Variants in BDP1 observed in about 807,000 individuals in gnomAD.
BDP1 encodes BDP1 general transcription factor IIIB subunit.
Under a neutral mutation model 266.6 loss-of-function variants are expected in BDP1, and 169 were observed. The ratio of observed to expected loss-of-function variants is 0.63; its 90% confidence interval spans 0.56 to 0.72. BDP1 has a LOEUF of 0.72. BDP1 is among the 30% of genes least tolerant of loss of function. The pLI, the probability that BDP1 is intolerant of heterozygous loss-of-function variation, is 0.00. For synonymous variants in BDP1, 1,090 were observed against 1,022.4 expected, an observed-to-expected ratio of 1.07 and a Z score of -1.26; for missense variants, 3,015 against 3,053.8, an observed-to-expected ratio of 0.99 and a Z score of 0.30.
chr5:71,466,683 T>C (rs973413195), intron 5 of BDP1, among the ~76,000 whole-genome samples: 1 of 152,184 alleles, frequency 6.6e-6, no homozygotes, highest in Non-Finnish European at 1.5e-5. Flanking sequence ...CATCTTTTGG[T>C]TTAATTTCTC....
chr5:71,549,999 G>C (rs1396727219), intron 34 of BDP1, among the ~76,000 whole-genome samples: 3 of 152,182 alleles, frequency 2.0e-5, no homozygotes, highest in Non-Finnish European at 2.9e-5. Context: ...TTTCTTAAGA[G>C]ACAGGGACTT....
chr5:71,558,479 G>A (rs180724355), intron 36 of BDP1, among the ~76,000 whole-genome samples: 3 of 152,158 alleles, frequency 2.0e-5, no homozygotes, highest in East Asian at 3.9e-4. Flanking sequence ...CTGAGATCAC[G>A]CCATTGCACG....
At chr5:71,569,273 C>T (rs1340075375), downstream of BDP1, among the ~76,000 whole-genome samples, 4 of 152,022 alleles carry the variant, frequency 2.6e-5, no homozygotes, top group Non-Finnish European at 4.4e-5. Context: ...ATAGCGAGAC[C>T]TTATCTCTAC....
intron 25 of BDP1, among the ~76,000 whole-genome samples, chr5:71,525,648 C>A (rs71576941): frequency 7.8e-6 from 1 of 128,770 alleles, no homozygotes; most frequent in African/African-American, 2.8e-5. Flanking sequence ...CTGACCCCCC[C>A]ACCTCCCTTC....
chr5:71,474,231 C>T (rs188727510), intron 7 of BDP1, among the ~76,000 whole-genome samples: 2 of 152,034 alleles, frequency 1.3e-5, no homozygotes, highest in African/African-American at 4.8e-5. Flanking sequence ...CCTCCTGCCT[C>T]AGCCTCCCAA....
chr5:71,528,820 A>G (rs1474756179), intron 25 of BDP1, among the ~76,000 whole-genome samples: 3 of 152,244 alleles, frequency 2.0e-5, no homozygotes, highest in Non-Finnish European at 4.4e-5. Flanking sequence ...ATGCAGAAGG[A>G]AGAGTAATTT....
chr5:71,463,462 G>A (rs917590928), intron 3 of BDP1, among the ~76,000 whole-genome samples: 1 of 152,124 alleles, frequency 6.6e-6, no homozygotes, highest in African/African-American at 2.4e-5. Context: ...TTGGAGACAA[G>A]TCACCTAAGT....
At chr5:71,574,142 A>G in the BDP1 span, among the ~76,000 whole-genome samples, 1 of 152,338 alleles carries the variant, frequency 6.6e-6, no homozygotes, top group South Asian at 2.1e-4. Context: ...GACAAATCTA[A>G]AAGGAGCCAA....
chr5:71,473,932 T>C (rs1391775765), intron 7 of BDP1, among the ~76,000 whole-genome samples: 1 of 151,844 alleles, frequency 6.6e-6, no homozygotes, highest in Non-Finnish European at 1.5e-5. Flanking sequence ...GATGAAAACT[T>C]AGAGCACTGA....
At chr5:71,500,801 TA>T (rs540104907) in intron 13 of BDP1, among the ~76,000 whole-genome samples, 516 of 145,720 alleles carry the variant, frequency 3.5e-3, no homozygotes, top group African/African-American at 8.9e-3. Context: ...CCATTTTTCT[TA>T]AAAAAAAAAA....
chr5:71,476,861 G>A (rs981929133), intron 7 of BDP1, among the ~76,000 whole-genome samples: 7 of 152,070 alleles, frequency 4.6e-5, no homozygotes, highest in East Asian at 1.9e-4. Flanking sequence ...CCGCCACCAC[G>A]CCTGGCTAAT....
At chr5:71,523,023 A>G (rs1381551179) in intron 24 of BDP1, 74 bp downstream of exon 24, 1 of 1,352,576 alleles carries the variant, frequency 7.4e-7, no homozygotes, top group Non-Finnish European at 9.9e-7. Flanking sequence ...ACTTACTGGT[A>G]GAACAAAATT....
chr5:71,529,829 A>G (rs968260177), intron 25 of BDP1, among the ~76,000 whole-genome samples: 1 of 152,262 alleles, frequency 6.6e-6, no homozygotes, highest in Non-Finnish European at 1.5e-5. Context: ...GATTCCATTC[A>G]TATGAAATGT....
intron 35 of BDP1, among the ~76,000 whole-genome samples, chr5:71,555,727 C>T (rs1743172648): frequency 1.3e-5 from 2 of 152,184 alleles, no homozygotes; most frequent in Non-Finnish European, 1.5e-5. Flanking sequence ...AGGTGTGGGC[C>T]ACCACGCCCG....
chr5:71,576,992 G>T, the BDP1 span, among the ~76,000 whole-genome samples: 1 of 152,198 alleles, frequency 6.6e-6, no homozygotes, highest in African/African-American at 2.4e-5. Flanking sequence ...TCAATTTACA[G>T]TTTGTGTTTT....
Position 71,467,477 on chromosome 5 carries a change from G to A in BDP1, c.909G>A (p.Trp303Ter), listed in dbSNP as rs1288006155. ...GGAAAAACTATTACTCTAAACCATG[G>A]TCAAATAAAGGTAACTAATTTTCAT... is the stretch of plus-strand genomic sequence containing the variant. ...SFRKNYYSKP[W>*]SNKETDMFFL... is the part of the protein sequence containing the mutation. Residue 303 changes from tryptophan (W) to a stop codon, truncating the protein, a stop_gained, in exon 6 of 39, where the codon TGG becomes TGA. Transcript: ENST00000358731. LOFTEE classifies it high-confidence loss of function. 1 of 1,596,850 alleles carries A rather than the reference G, an allele frequency of 6.3e-7. No homozygotes were observed. The highest frequency in any genetic ancestry group is 8.5e-7 in the Non-Finnish European group (1 of 1,170,196).
intron 32 of BDP1, among the ~76,000 whole-genome samples, chr5:71,547,351 T>C (rs916887971): frequency 8.5e-5 from 13 of 152,112 alleles, no homozygotes; most frequent in Non-Finnish European, 7.4e-5. Context: ...TGCTTCCTCA[T>C]TACTAGATTC....
chr5:71,466,693 C>T (rs779338033), intron 5 of BDP1, among the ~76,000 whole-genome samples: 1 of 151,660 alleles, frequency 6.6e-6, no homozygotes, highest in Non-Finnish European at 1.5e-5. Context: ...TTTAATTTCT[C>T]AGTTATAACA....
At chr5:71,533,857 C>T (rs549460079) in intron 26 of BDP1, among the ~76,000 whole-genome samples, 471 of 152,230 alleles carry the variant, frequency 3.1e-3, no homozygotes, top group South Asian at 5.6e-3. Context: ...ATGTCAGGCA[C>T]ATTTTATGTT....
Sources: gnomAD v4.1 joint callset for allele counts (sites outside exome capture counted in the v4.1 genomes callset) on GRCh38, gnomAD v4.1.1 for gene constraint, MANE v1.5 for transcripts, NCBI Gene and HGNC (gene_info 2026-07-23, HGNC 2026-07-21) for gene names.